The following ITM2C variants were observed in gnomAD, a reference collection of about 807,000 sequenced individuals.
ITM2C encodes BRICHOS domain containing 2C.
ITM2C carries 20 observed loss-of-function variants against 30.0 expected under a neutral mutation model. The ratio of observed to expected loss-of-function variants is 0.67; its 90% CI spans 0.47 to 0.97. ITM2C has a LOEUF of 0.97. ITM2C is among the 50% of genes least tolerant of loss of function. The pLI, the probability that ITM2C is intolerant of heterozygous loss-of-function variation, is 0.00. For synonymous variants in ITM2C, 167 were observed against 156.4 expected (o/e 1.07, Z -0.51); for missense variants, 366 against 371.9 (o/e 0.98, Z 0.13).
chr2:230,871,114 C>A (rs547253157), intron 1 of ITM2C, among the ~76,000 whole-genome samples: 2 of 152,338 alleles, frequency 1.3e-5, no homozygotes, highest in African/African-American at 4.8e-5. Context: ...CCCTGTCACG[C>A]AGAGTCTGTC....
intron 3 of ITM2C, 91 bp downstream of exon 3, chr2:230,875,899 A>G: frequency 9.3e-7 from 1 of 1,071,660 alleles, no homozygotes. Context: ...GACTCCTCGG[A>G]GTACAGCAGG....
Position 230,877,082 on chromosome 2 carries a change from G to A in ITM2C, c.561+115G>A. 2 of 778,488 alleles carry A rather than the reference G, an allele frequency of 2.6e-6. No homozygotes were observed. The highest frequency in any genetic ancestry group is 4.3e-6 in the Non-Finnish European group (2 of 461,100). 48.2% of individuals were successfully genotyped at this position (778,488 alleles called of 1,614,324 possible). A position where few individuals can be genotyped will look rare whatever the true frequency, so the allele number is the denominator to read the frequency against. On this transcript the variant is annotated intron_variant, in intron 4 of 5. Coordinates refer to ENST00000326427, the MANE Select transcript of ITM2C (RefSeq NM_030926.6). The surrounding 1 kb of genome is among the most constrained non-coding windows in gnomAD (Gnocchi z 4.8). ...CCTGTGTCAGGGGTTGGGGGAGCAAGAGACATTGCTGGCACCTGGGCCCTG... is the reference window on the plus strand; with the variant it reads ...CCTGTGTCAGGGGTTGGGGGAGCAAAAGACATTGCTGGCACCTGGGCCCTG...
In ITM2C at chr2:230,877,859, G is replaced by A. The variant is rs1689957587; in HGVS notation, c.713-149G>A. 2 of 686,126 alleles carry A rather than the reference G, an allele frequency of 2.9e-6. No individual in the cohort carries two copies. The highest frequency in any genetic ancestry group is 5.0e-6 in the Non-Finnish European group (2 of 402,534). The allele number at this position is 686,126 out of a possible 1,614,324, so 42.5% of individuals were successfully genotyped here. On this transcript the variant is annotated intron_variant, in intron 5 of 5. Coordinates refer to ENST00000326427, the MANE Select transcript of ITM2C (RefSeq NM_030926.6). The surrounding 1 kb of genome is among the most constrained non-coding windows in gnomAD (Gnocchi z 4.8). ...CATGGGCAGGCTGACTCCAGCTTTC[G>A]AGCTCTCCCCATTTCTCACTGTGCT...
In ITM2C at chr2:230,875,682, C is replaced by T; in HGVS notation, c.324C>T (p.Val108=). The change falls in exon 3 of 6, where the codon GTC becomes GTT. Residue 108 remains valine, a synonymous_variant. Transcript: ENST00000326427. The part of the protein sequence containing the change: ...VLYEDSLSSQ[V]RTQMELEEDV... Reference sequence around the variant, plus strand: ...ATGAGGACTCCCTGTCCTCCCAGGTCCGGACTCAGATGGAGCTGGAAGAGG... The same window carrying T: ...ATGAGGACTCCCTGTCCTCCCAGGTTCGGACTCAGATGGAGCTGGAAGAGG... 6.2e-7 allele frequency: 1 copy of T among 1,613,912 alleles called. No homozygotes were observed. Among genetic ancestry groups the T allele is most frequent in the Admixed American group, 1.7e-5 (1 of 59,968 alleles).
At chr2:230,876,649 T>A (rs1291593105) in intron 3 of ITM2C, among the ~76,000 whole-genome samples, 1 of 151,918 alleles carries the variant, frequency 6.6e-6, no homozygotes, top group Non-Finnish European at 1.5e-5. Flanking sequence ...GCCTGGCAAA[T>A]TTTTTGTATT....
intron 1 of ITM2C, among the ~76,000 whole-genome samples, chr2:230,869,064 G>A (rs947827676): frequency 6.6e-6 from 1 of 152,194 alleles, no homozygotes; most frequent in African/African-American, 2.4e-5. Context: ...TTCTCTTAGT[G>A]TGGAGAAAAA....
chr2:230,864,884 G>A, upstream of ITM2C: 4 of 1,046,890 alleles, frequency 3.8e-6, no homozygotes, highest in Non-Finnish European at 4.9e-6. This position sits in a 1 kb window ranked among gnomAD's most constrained non-coding sequence, Gnocchi z 4.3. Context: ...GGGACGGGGC[G>A]GGGAGGGCTG....
intron 1 of ITM2C, among the ~76,000 whole-genome samples, chr2:230,868,782 C>G (rs951909001): frequency 3.3e-5 from 5 of 152,214 alleles, no homozygotes; most frequent in Admixed American, 6.5e-5. Flanking sequence ...CAGCTTAGCC[C>G]TACCCCAGTG....
rs776767193 is a variant in ITM2C, at chr2:230,875,614, G to A, written c.262-6G>A. 1.3e-6 allele frequency: 2 copies of A among 1,593,414 alleles called. No individual in the cohort carries two copies. The highest frequency in any genetic ancestry group is 1.7e-6 in the Non-Finnish European group (2 of 1,169,248). ...GACTGTCTGTCTGTCTCTCCGCCTT[G>A]CTCAGCTGGCCCGAGATAACTTCTT... On this transcript the variant is annotated splice_region_variant and splice_polypyrimidine_tract_variant and intron_variant, in intron 2 of 5. Transcript: ENST00000326427.
chr2:230,876,442 G>A (rs1697299153), intron 3 of ITM2C, among the ~76,000 whole-genome samples: 1 of 152,120 alleles, frequency 6.6e-6, no homozygotes, highest in Non-Finnish European at 1.5e-5. Flanking sequence ...AAGGCCCAGG[G>A]TCCCAGGAAG....
intron 2 of ITM2C, 130 bp from the exon 3 acceptor site, chr2:230,875,490 A>T: frequency 1.3e-6 from 1 of 751,230 alleles, no homozygotes; most frequent in Non-Finnish European, 2.1e-6. Context: ...AATGGGTCTC[A>T]CAGTCCCTGC....
chr2:230,865,080 G>A lies in ITM2C; in HGVS notation c.55G>A (p.Asp19Asn). Reference protein sequence around the residue: ...AVAGIKGDKADKASASAPAPA... With the variant: ...AVAGIKGDKANKASASAPAPA... ...GGCTGGCATCAAGGGCGACAAGGCT[G>A]ACAAGGCGTCGGCGTCGGCCCCTGC... is the stretch of plus-strand genomic sequence containing the variant. Residue 19 changes from aspartate to asparagine, a missense_variant, in exon 1 of 6, where the codon GAC becomes AAC. Transcript: ENST00000326427. This position sits in a 1 kb window ranked among gnomAD's most constrained non-coding sequence, Gnocchi z 6.8. 6.5e-7 allele frequency: 1 copy of A among 1,540,276 alleles called. No individual in the cohort carries two copies. Among genetic ancestry groups the A allele is most frequent in the Non-Finnish European group, 8.8e-7 (1 of 1,141,032 alleles).
chr2:230,870,719 C>G (rs745958970), intron 1 of ITM2C, among the ~76,000 whole-genome samples: 6 of 152,216 alleles, frequency 3.9e-5, no homozygotes, highest in African/African-American at 1.2e-4. Context: ...CAGGGAGACA[C>G]GGGACCCAGC....
At chr2:230,867,611 G>T (rs1027072399) in intron 1 of ITM2C, among the ~76,000 whole-genome samples, 17 of 152,176 alleles carry the variant, frequency 1.1e-4, no homozygotes, top group Admixed American at 9.8e-4. Context: ...CCTCCTTGGT[G>T]TCTGAACTGG....
At chr2:230,873,133 C>T (rs546575963) in intron 1 of ITM2C, 44 of 362,506 alleles carry the variant, frequency 1.2e-4, no homozygotes, top group African/African-American at 8.7e-4. Context: ...AATGCACCTG[C>T]TGAACCCACT....
At position 230,875,754 on chromosome 2, in the gene ITM2C, T is replaced by C. The variant is rs1697278460; in HGVS notation, c.396T>C (p.Pro132=). The C allele has an allele frequency of 3.8e-6, 6 of 1,597,100 alleles. No homozygotes were observed. Among genetic ancestry groups the C allele is most frequent in the Non-Finnish European group, 4.3e-6 (5 of 1,170,826 alleles). ...AGAACTACGAGCGCATCAACGTGCC[T>C]GTGCCCCAGTTTGGCGGCGGTGACC... ...LDENYERINV[P]VPQFGGGDPA... is the part of the protein sequence containing the mutation. Residue 132 remains proline (P), a synonymous_variant, in exon 3 of 6, where the codon CCT becomes CCC. Coordinates refer to ENST00000326427, the MANE Select transcript of ITM2C (RefSeq NM_030926.6).
At chr2:230,868,112 C>T (rs1697074415) in intron 1 of ITM2C, among the ~76,000 whole-genome samples, 1 of 152,072 alleles carries the variant, frequency 6.6e-6, no homozygotes, top group Non-Finnish European at 1.5e-5. Flanking sequence ...GCAGGAGCAC[C>T]CTCTCGGTGG....
At chr2:230,869,608 A>G (rs2125016314) in intron 1 of ITM2C, among the ~76,000 whole-genome samples, 2 of 152,272 alleles carry the variant, frequency 1.3e-5, no homozygotes, top group South Asian at 4.2e-4. Context: ...CTGGCTGCCG[A>G]ACCCCTCCAG....
intron 3 of ITM2C, 35 bp downstream of exon 3, chr2:230,875,843 G>GC: frequency 6.3e-6 from 2 of 317,802 alleles, no homozygotes; most frequent in Non-Finnish European, 1.3e-5. Context: ...TGGGGGGTGG[G>GC]AGGGTGTCCC....
Sources: allele counts gnomAD v4.1 joint callset (sites outside exome capture counted in the v4.1 genomes callset), GRCh38; gene constraint gnomAD v4.1.1; non-coding constraint Gnocchi (gnomAD v3.1); transcripts MANE v1.5; gene names NCBI Gene and HGNC (gene_info 2026-07-23, HGNC 2026-07-21).